Variants in NCK2 observed in about 807,000 individuals in gnomAD.
The protein encoded by NCK2 is cytoplasmic protein NCK2.
NCK2 carries 16 observed loss-of-function variants against 33.9 expected under a neutral mutation model. That is an observed-to-expected ratio of 0.47 (90% confidence interval 0.32 to 0.72). NCK2 has a LOEUF of 0.72. Ranked by LOEUF, NCK2 falls within the 30% of genes least tolerant of loss-of-function variation. NCK2 has a pLI of 0.03. For missense variants in NCK2, 418 were observed against 537.3 expected, an observed-to-expected ratio of 0.78 and a Z score of 2.19; for synonymous variants, 273 against 239.9, an observed-to-expected ratio of 1.14 and a Z score of -1.27.
rs557639311 is a variant in NCK2 at position 105,876,870 on chromosome 2, G to A, written c.227-4458G>A. On this transcript the variant is annotated intron_variant, in intron 3 of 4. Transcript: ENST00000233154. ...AATGAGTTTGCCTTCGAATTAGAGA[G>A]AGGCAGTCGCTTAGAGCCTGGACCA... 2.0e-5 allele frequency among the ~76,000 whole-genome samples: 3 copies of A among 152,306 alleles called. No individual in the cohort carries two copies. The South Asian group carries it at 6.2e-4, about 32-fold the overall frequency.
chr2:105,769,728 G>A (rs1213809504), intron 1 of NCK2, among the ~76,000 whole-genome samples: 1 of 152,200 alleles, frequency 6.6e-6, no homozygotes, highest in African/African-American at 2.4e-5. Context: ...AGTACAGCCA[G>A]GCGGCCACAG....
chr2:105,855,100 T>A lies in NCK2; in HGVS notation c.37T>A (p.Tyr13Asn), dbSNP rs1677206075. ...EEVIVIAKWD[Y>N]TAQQDQELDI... is the part of the protein sequence containing the mutation. Reference sequence around the variant, plus strand: ...AGTTATTGTGATAGCCAAGTGGGACTACACCGCCCAGCAGGACCAGGAGCT... The same window carrying A: ...AGTTATTGTGATAGCCAAGTGGGACAACACCGCCCAGCAGGACCAGGAGCT... Residue 13 changes from tyrosine (Y) to asparagine (N), a missense_variant, in exon 3 of 5, where the codon TAC (tyrosine) becomes AAC (asparagine). Tyr to Asn is a moderately radical substitution (Grantham distance 143, BLOSUM62 -2). Transcript: ENST00000233154. 1 of 1,614,098 alleles carries A rather than the reference T, an allele frequency of 6.2e-7. No homozygotes were observed. The highest frequency in any genetic ancestry group is 8.5e-7 in the Non-Finnish European group (1 of 1,180,034).
chr2:105,851,862 C>T (rs371283355), intron 2 of NCK2: 1 of 152,238 alleles, frequency 6.6e-6, no homozygotes, highest in East Asian at 1.9e-4. Context: ...AGTAAGTGAG[C>T]GAGCCGGACG....
At chr2:105,771,152 G>A (rs556961579) in intron 1 of NCK2, among the ~76,000 whole-genome samples, 1 of 152,124 alleles carries the variant, frequency 6.6e-6, no homozygotes, top group East Asian at 2.0e-4. Flanking sequence ...TCGATCTCCT[G>A]ACCTCGTGAT....
chr2:105,781,210 T>C (rs914373488), intron 1 of NCK2, among the ~76,000 whole-genome samples: 5 of 147,026 alleles, frequency 3.4e-5, no homozygotes, highest in Admixed American at 2.0e-4. Flanking sequence ...AATCTGATCT[T>C]TGCTCCACCT....
At chr2:105,860,539 G>A (rs529292865) in intron 3 of NCK2, among the ~76,000 whole-genome samples, 6 of 152,268 alleles carry the variant, frequency 3.9e-5, no homozygotes, top group African/African-American at 1.4e-4. Context: ...GGGGCATGGA[G>A]GATGAGCGAG....
At chr2:105,787,144 G>A (rs550563990) in intron 1 of NCK2, among the ~76,000 whole-genome samples, 11 of 152,340 alleles carry the variant, frequency 7.2e-5, no homozygotes, top group African/African-American at 2.6e-4. Flanking sequence ...TTGACCCTCA[G>A]CCCTGAGCAC....
intron 3 of NCK2, among the ~76,000 whole-genome samples, chr2:105,858,058 G>GTTTTTTTTTTGT (rs1677360383): frequency 1.4e-5 from 2 of 143,076 alleles, no homozygotes; most frequent in African/African-American, 2.6e-5. Context: ...TTTTTTTTTT[G>GTTTTTTTTTTGT]TTTTTTTTTT....
intron 1 of NCK2, among the ~76,000 whole-genome samples, chr2:105,750,880 G>A (rs192041520): frequency 1.8e-4 from 27 of 152,342 alleles, no homozygotes; most frequent in Non-Finnish European, 3.5e-4. Flanking sequence ...AGGGTGGAGA[G>A]GCCGTCTCCT....
chr2:105,792,444 C>A (rs555664309), intron 1 of NCK2, among the ~76,000 whole-genome samples: 1 of 152,120 alleles, frequency 6.6e-6, no homozygotes, highest in South Asian at 2.1e-4. Flanking sequence ...GTAAATATTA[C>A]GGAATTTCAA....
At chr2:105,794,699 A>AT (rs1468322570) in intron 1 of NCK2, among the ~76,000 whole-genome samples, 2 of 7,074 alleles carry the variant, frequency 2.8e-4, no homozygotes, top group African/African-American at 7.0e-4. Flanking sequence ...TTATTATTTT[A>AT]TTTATTTATT....
chr2:105,774,710 A>G (rs1690247490), intron 1 of NCK2, among the ~76,000 whole-genome samples: 1 of 152,100 alleles, frequency 6.6e-6, no homozygotes, highest in Non-Finnish European at 1.5e-5. Flanking sequence ...TGGGGCCTGG[A>G]TGACGAAATC....
chr2:105,779,895 C>T lies in NCK2; in HGVS notation c.-201+34757C>T, dbSNP rs2104399376. On this transcript the variant is annotated intron_variant, in intron 1 of 4. Coordinates refer to ENST00000233154, the MANE Select transcript of NCK2 (RefSeq NM_003581.5). ...GGGGAAAACAGCCTGAATGCCATAG[C>T]CTACGAGACCGCCTTCACCCTCTCA... Among the ~76,000 whole-genome samples the T allele has an allele frequency of 2.6e-5, 4 of 152,268 alleles. No individual in the cohort carries two copies. In the South Asian group the frequency reaches 8.3e-4, roughly 32 times the overall value.
chr2:105,780,317 G>T (rs1338260665), intron 1 of NCK2, among the ~76,000 whole-genome samples: 2 of 91,406 alleles, frequency 2.2e-5, no homozygotes, highest in African/African-American at 7.1e-5. Flanking sequence ...ATATGGGAGA[G>T]AGATATATAC....
At chr2:105,783,556 A>G (rs1055478237) in intron 1 of NCK2, among the ~76,000 whole-genome samples, 1 of 152,140 alleles carries the variant, frequency 6.6e-6, no homozygotes, top group Admixed American at 6.5e-5. Flanking sequence ...AGTATTTGCC[A>G]CCGTGGGTGC....
rs775496029 is a variant in NCK2 at position 105,893,039 on chromosome 2, C to A, written c.1006C>A (p.Gln336Lys). The A allele has an allele frequency of 1.9e-6, 3 of 1,614,170 alleles. No individual in the cohort carries two copies. Among genetic ancestry groups the A allele is most frequent in the South Asian group, 1.1e-5 (1 of 91,084 alleles). The change falls in exon 5 of 5, where the codon CAG becomes AAG. Residue 336 changes from glutamine to lysine, a missense_variant. By Grantham distance (53) the Gln-to-Lys change is moderately conservative (BLOSUM62 1). Coordinates refer to ENST00000233154, the MANE Select transcript of NCK2 (RefSeq NM_003581.5). ...ASGKNKHFKV[Q>K]LVDNVYCIGQ... is the part of the protein sequence containing the mutation. ...AGGGAAGAACAAACACTTCAAGGTG[C>A]AGCTCGTGGACAATGTCTACTGCAT...
At chr2:105,756,748 C>T (rs1442782821) in intron 1 of NCK2, among the ~76,000 whole-genome samples, 2 of 152,232 alleles carry the variant, frequency 1.3e-5, no homozygotes, top group Non-Finnish European at 2.9e-5. Context: ...TTTGCCTTCA[C>T]GCAGTGACTG....
intron 2 of NCK2, among the ~76,000 whole-genome samples, chr2:105,822,792 C>T (rs1050556621): frequency 3.9e-5 from 6 of 151,966 alleles, no homozygotes; most frequent in Admixed American, 6.5e-5. Context: ...AAGGAATTTT[C>T]GTGAATTCTC....
intron 3 of NCK2, among the ~76,000 whole-genome samples, chr2:105,876,801 G>A (rs966407442): frequency 1.3e-5 from 2 of 152,314 alleles, no homozygotes; most frequent in East Asian, 3.9e-4. Context: ...CAGAGAGAAT[G>A]AAAGGAAACT....
Sources: allele counts gnomAD v4.1 joint callset (sites outside exome capture counted in the v4.1 genomes callset), GRCh38; gene constraint gnomAD v4.1.1; transcripts MANE v1.5; gene names NCBI Gene and HGNC (gene_info 2026-07-23, HGNC 2026-07-21).